Variants in PDZD8 observed in about 807,000 individuals in gnomAD.
The protein encoded by PDZD8 is PDZ domain containing 8, also known as PDZ domain-containing protein 8.
In PDZD8, 14 loss-of-function variants were observed where a neutral mutation model predicts 85.8. That is an observed-to-expected ratio of 0.16 (90% CI 0.11 to 0.26). The LOEUF (loss-of-function observed/expected upper bound fraction) is 0.26, where lower values mean the gene tolerates loss of function less well. Ranked by LOEUF, PDZD8 falls within the 10% of genes least tolerant of loss-of-function variation. PDZD8 has a pLI of 1.00. For missense variants in PDZD8, 1,197 were observed against 1,424.3 expected (o/e 0.84, Z 2.57); for synonymous variants, 592 against 568.6 (o/e 1.04, Z -0.59).
intron 2 of PDZD8, among the ~76,000 whole-genome samples, chr10:117,336,348 G>A (rs1844514884): frequency 6.6e-6 from 1 of 152,192 alleles, no homozygotes; most frequent in Non-Finnish European, 1.5e-5. Flanking sequence ...GTGTATGCAT[G>A]TATAAGTATT....
At chr10:117,288,559 A>T (rs763237880) in intron 4 of PDZD8, among the ~76,000 whole-genome samples, 4 of 152,020 alleles carry the variant, frequency 2.6e-5, no homozygotes, top group African/African-American at 4.8e-5. Context: ...CCCAGGCTGG[A>T]GTGCAATGGT....
intron 2 of PDZD8, among the ~76,000 whole-genome samples, chr10:117,331,028 A>C (rs761957654): frequency 3.9e-5 from 6 of 152,206 alleles, no homozygotes; most frequent in Admixed American, 6.5e-5. Flanking sequence ...ACTACCCATC[A>C]CTTAAGCCTC....
intron 1 of PDZD8, among the ~76,000 whole-genome samples, chr10:117,349,673 C>T (rs919558079): frequency 4.3e-4 from 65 of 151,998 alleles, no homozygotes; most frequent in African/African-American, 1.5e-3. Flanking sequence ...CATGGTGGTG[C>T]GCTCCTGTAG....
Position 117,374,655 on chromosome 10 carries a change from G to C in PDZD8, c.573C>G (p.Ala191=). Residue 191 remains alanine (A), a synonymous_variant, in exon 1 of 5, where the codon GCC becomes GCG. Coordinates refer to ENST00000334464, the MANE Select transcript of PDZD8 (RefSeq NM_173791.5). This position sits in a 1 kb window ranked among gnomAD's most constrained non-coding sequence, Gnocchi z 7.8. ...ALPAACPEEL[A]FEAEVEYNGG... is the part of the protein sequence containing the mutation. The stretch of plus-strand genomic sequence containing the variant: ...CGTTGTACTCCACCTCCGCCTCGAA[G>C]GCCAGCTCCTCGGGGCAGGCGGCGG... 4 of 1,586,202 alleles carry C rather than the reference G, an allele frequency of 2.5e-6. No homozygotes were observed. The highest frequency in any genetic ancestry group is 3.4e-6 in the Non-Finnish European group (4 of 1,165,990).
At chr10:117,321,577 G>C (rs1844225699) in intron 2 of PDZD8, among the ~76,000 whole-genome samples, 1 of 152,030 alleles carries the variant, frequency 6.6e-6, no homozygotes. Flanking sequence ...TGGTTATACA[G>C]CCCTGTAAAT....
chr10:117,304,108 C>T (rs996652645), intron 3 of PDZD8, among the ~76,000 whole-genome samples: 2 of 152,296 alleles, frequency 1.3e-5, no homozygotes, highest in East Asian at 1.9e-4. Context: ...TCGATGCCAG[C>T]CCATGAAAAC....
At chr10:117,340,877 A>T in intron 2 of PDZD8, 103 bp downstream of exon 2, 1 of 1,276,128 alleles carries the variant, frequency 7.8e-7, no homozygotes, top group Non-Finnish European at 1.1e-6. Flanking sequence ...ATTTACAGGT[A>T]AATAATATAA....
At chr10:117,354,118 C>G (rs1564710583) in intron 1 of PDZD8, among the ~76,000 whole-genome samples, 1 of 152,208 alleles carries the variant, frequency 6.6e-6, no homozygotes, top group Non-Finnish European at 1.5e-5. Flanking sequence ...CATTCATTTA[C>G]TGTTAAAATG....
At chr10:117,299,705 AT>A (rs1412307253) in intron 3 of PDZD8, among the ~76,000 whole-genome samples, 4 of 151,672 alleles carry the variant, frequency 2.6e-5, no homozygotes, top group African/African-American at 9.7e-5. Context: ...TCTCTGGAGA[AT>A]TTTTCATCCA....
Position 117,283,312 on chromosome 10 carries a change from T to C in PDZD8, c.3421A>G (p.Ser1141Gly), listed in dbSNP as rs746225305. Residue 1141 changes from serine to glycine, a missense_variant, in exon 5 of 5, where the codon AGC becomes GGC. Transcript: ENST00000334464. ...ISQLIDSQPF[S>G]SISDDLFGPS... ...CCAAATAAGTCATCTGATATGCTGC[T>C]GAATGGCTGAGAGTCTATTAGTTGG... 6.8e-6 allele frequency: 11 copies of C among 1,613,622 alleles called. No homozygotes were observed. The Admixed American group carries it at 1.8e-4, about 27-fold the overall frequency.
chr10:117,351,993 A>G (rs1449608741), intron 1 of PDZD8, among the ~76,000 whole-genome samples: 1 of 152,218 alleles, frequency 6.6e-6, no homozygotes, highest in Admixed American at 6.5e-5. Context: ...TAATTTTTAA[A>G]TGTGCATTAT....
chr10:117,339,212 G>A (rs1235825114), intron 2 of PDZD8, among the ~76,000 whole-genome samples: 1 of 150,870 alleles, frequency 6.6e-6, no homozygotes, highest in Admixed American at 6.6e-5. Flanking sequence ...GGACACAAAT[G>A]TATTAGATAT....
At chr10:117,344,507 C>G (rs1303923789) in intron 1 of PDZD8, among the ~76,000 whole-genome samples, 1 of 152,182 alleles carries the variant, frequency 6.6e-6, no homozygotes, top group Admixed American at 6.5e-5. Flanking sequence ...CCTGCCTCAG[C>G]CTCCCGAGTA....
intron 2 of PDZD8, among the ~76,000 whole-genome samples, chr10:117,329,561 C>T (rs1156647212): frequency 2.6e-5 from 4 of 152,070 alleles, no homozygotes. Context: ...AATAATGGAA[C>T]ACTAGGTATA....
intron 1 of PDZD8, among the ~76,000 whole-genome samples, chr10:117,367,661 T>C (rs7087395): frequency 0.52 from 78,902 of 151,916 alleles, 21,399 homozygotes; most frequent in African/African-American, 0.68. Context: ...AAAGCTAATG[T>C]GGTGGCTCAT....
chr10:117,295,503 ACAC>A (rs373729573), intron 3 of PDZD8, among the ~76,000 whole-genome samples: 5 of 46,716 alleles, frequency 1.1e-4, no homozygotes, highest in Non-Finnish European at 1.9e-4. Flanking sequence ...CCTTCCCAAC[ACAC>A]AAAAAACTCC....
At chr10:117,347,809 A>G (rs1333313435) in intron 1 of PDZD8, among the ~76,000 whole-genome samples, 1 of 152,224 alleles carries the variant, frequency 6.6e-6, no homozygotes, top group African/African-American at 2.4e-5. Context: ...AAATACTCCA[A>G]GAAATAAAAC....
intron 1 of PDZD8, among the ~76,000 whole-genome samples, chr10:117,372,370 T>C (rs1845209429): frequency 6.6e-6 from 1 of 151,698 alleles, no homozygotes; most frequent in Admixed American, 6.6e-5. Context: ...AACTTATTCA[T>C]AACTTACTTC....
At chr10:117,338,620 C>T (rs111601489) in intron 2 of PDZD8, among the ~76,000 whole-genome samples, 91 of 152,246 alleles carry the variant, frequency 6.0e-4, no homozygotes, top group Non-Finnish European at 1.1e-3. Context: ...CTGTATACCC[C>T]GTAAAAATTC....
Sources: gnomAD v4.1 joint callset for allele counts (sites outside exome capture counted in the v4.1 genomes callset) on GRCh38, gnomAD v4.1.1 for gene constraint, Gnocchi (gnomAD v3.1) non-coding constraint, MANE v1.5 for transcripts, NCBI Gene and HGNC (gene_info 2026-07-23, HGNC 2026-07-21) for gene names.